The following AP2B1 variants were observed in gnomAD, a reference collection of about 807,000 sequenced individuals.
AP2B1 encodes adaptor related protein complex 2 subunit beta 1, also known as AP-2 complex subunit beta.
In AP2B1, 23 loss-of-function variants were observed where a neutral mutation model predicts 102.0. The ratio of observed to expected loss-of-function variants is 0.23; its 90% confidence interval spans 0.16 to 0.32. AP2B1 has a LOEUF of 0.32. Among genes scored for constraint, AP2B1 ranks in the 10% least tolerant of loss-of-function variants. The probability of loss-of-function intolerance (pLI) is 1.00; values close to 1 mark genes in which losing one functional copy is unlikely to be tolerated. For synonymous variants in AP2B1, 381 were observed against 421.2 expected, an observed-to-expected ratio of 0.90 and a Z score of 1.17; for missense variants, 541 against 1,157.4, an observed-to-expected ratio of 0.47 and a Z score of 7.73.
chr17:35,591,463 G>A (rs1025788270), intron 1 of AP2B1, among the ~76,000 whole-genome samples: 3 of 152,220 alleles, frequency 2.0e-5, no homozygotes, highest in East Asian at 1.9e-4. Context: ...GTGAGCCACC[G>A]TGCCTGGCCA....
intron 21 of AP2B1, among the ~76,000 whole-genome samples, chr17:35,720,573 A>ATATTTTTTT (rs1324333805): frequency 4.3e-4 from 12 of 28,066 alleles, no homozygotes; most frequent in Admixed American, 6.0e-4. Context: ...ATATATATAT[A>ATATTTTTTT]TTTTTTTTTT....
In AP2B1 at chr17:35,682,834, T is replaced by C; in HGVS notation, c.2454+10T>C. ...TCTGAATAACCTCCAGGTCAGAGAT[T>C]TACTTCACTCAGGTGGTACAAGTTA... On this transcript the variant is annotated intron_variant, in intron 18 of 21. Coordinates refer to ENST00000610402, the MANE Select transcript of AP2B1 (RefSeq NM_001030006.2). 1 of 1,606,912 alleles carries C rather than the reference T, an allele frequency of 6.2e-7. No individual in the cohort carries two copies. The highest frequency in any genetic ancestry group is 8.5e-7 in the Non-Finnish European group (1 of 1,175,106).
chr17:35,637,681 G>A (rs1330967043), intron 10 of AP2B1, among the ~76,000 whole-genome samples: 2 of 137,490 alleles, frequency 1.5e-5, no homozygotes, highest in Non-Finnish European at 3.1e-5. Context: ...GAAGAGGGTC[G>A]GTTTCTAAAT....
At chr17:35,603,423 G>C (rs1393776597) in intron 3 of AP2B1, among the ~76,000 whole-genome samples, 2 of 152,076 alleles carry the variant, frequency 1.3e-5, no homozygotes, top group Non-Finnish European at 2.9e-5. Flanking sequence ...CAAGCTAATG[G>C]TGCTCCTTTA....
rs1231191557 is a variant in AP2B1 at position 35,608,169 on chromosome 17, C to T, written c.307C>T (p.Arg103Ter). 1.9e-6 allele frequency: 3 copies of T among 1,613,578 alleles called. No homozygotes were observed. The highest frequency in any genetic ancestry group is 1.7e-6 in the Non-Finnish European group (2 of 1,180,030). The change falls in exon 5 of 22, where the codon CGA (arginine) becomes TGA (stop). Residue 103 changes from arginine (R) to a stop codon, truncating the protein, a stop_gained. Coordinates refer to ENST00000610402, the MANE Select transcript of AP2B1 (RefSeq NM_001030006.2). LOFTEE classifies it high-confidence loss of function. ...KDCEDPNPLI[R>*]ALAVRTMGCI... ...CTGTGAAGATCCTAATCCTTTGATT[C>T]GAGCCTTGGCAGTCAGAACCATGGG...
intron 19 of AP2B1, among the ~76,000 whole-genome samples, 193 bp from the exon 20 acceptor site, chr17:35,710,041 A>C (rs1400828743): frequency 6.6e-6 from 1 of 152,264 alleles, no homozygotes; most frequent in Admixed American, 6.5e-5. Flanking sequence ...CAATTATCCT[A>C]GTGTTACTGA....
chr17:35,671,644 TG>T, intron 15 of AP2B1, 109 bp from the exon 16 acceptor site: 1 of 1,048,568 alleles, frequency 9.5e-7, no homozygotes, highest in Non-Finnish European at 1.4e-6. Flanking sequence ...ATTGTAATTA[TG>T]GTGTTTTCTT....
intron 14 of AP2B1, chr17:35,660,127 G>A: frequency 1.1e-6 from 1 of 952,206 alleles, no homozygotes; most frequent in Non-Finnish European, 1.3e-6. Flanking sequence ...TAAAGATTTT[G>A]TACAAGAGAG....
chr17:35,701,955 C>G (rs1423445532), intron 18 of AP2B1, among the ~76,000 whole-genome samples: 1 of 152,150 alleles, frequency 6.6e-6, no homozygotes, highest in Non-Finnish European at 1.5e-5. Context: ...TTGTGTAAAC[C>G]CAAGTGAGGT....
chr17:35,664,276 C>A (rs1278656308), intron 14 of AP2B1, among the ~76,000 whole-genome samples: 1 of 152,058 alleles, frequency 6.6e-6, no homozygotes, highest in Admixed American at 6.6e-5. Context: ...TTTTTTGAGA[C>A]AAGGTCTCGC....
intron 10 of AP2B1, among the ~76,000 whole-genome samples, chr17:35,638,780 C>T (rs1290199709): frequency 1.7e-5 from 2 of 118,290 alleles, no homozygotes; most frequent in African/African-American, 3.5e-5. Context: ...CAGAGCAACA[C>T]TCCGTCTTGA....
intron 17 of AP2B1, among the ~76,000 whole-genome samples, chr17:35,675,141 A>G (rs907809029): frequency 6.6e-6 from 1 of 152,242 alleles, no homozygotes; most frequent in Admixed American, 6.5e-5. Context: ...TGCCTTAATA[A>G]GGAAGAGAGC....
At chr17:35,681,009 T>G (rs1456903451) in intron 17 of AP2B1, among the ~76,000 whole-genome samples, 1 of 152,136 alleles carries the variant, frequency 6.6e-6, no homozygotes, top group African/African-American at 2.4e-5. Context: ...CCTATAAAAT[T>G]TTATCCTTAT....
At chr17:35,656,741 C>T (rs559389656) in intron 13 of AP2B1, among the ~76,000 whole-genome samples, 5 of 152,142 alleles carry the variant, frequency 3.3e-5, no homozygotes, top group Admixed American at 6.5e-5. Context: ...AAAAATTAGC[C>T]GGGCACGGTG....
At position 35,686,273 on chromosome 17, in the gene AP2B1, C is replaced by T. The variant is rs760321608; in HGVS notation, c.2454+3449C>T. ...TTATTTATATCACGTAATTATATTC[C>T]TTAAAAAGAGAATTGATTCTCTCTG... On this transcript the variant is annotated intron_variant, in intron 18 of 21. Transcript: ENST00000610402. Among the ~76,000 whole-genome samples the T allele has an allele frequency of 3.3e-5, 5 of 152,312 alleles. No individual in the cohort carries two copies. The South Asian group carries it at 8.3e-4, about 25-fold the overall frequency.
At chr17:35,599,483 A>T (rs753325967) in intron 3 of AP2B1, among the ~76,000 whole-genome samples, 1 of 152,244 alleles carries the variant, frequency 6.6e-6, no homozygotes, top group Non-Finnish European at 1.5e-5. Flanking sequence ...TGGTGAAATT[A>T]ATGATTGTGA....
At chr17:35,696,413 C>CTTTTTTT (rs71366474) in intron 18 of AP2B1, among the ~76,000 whole-genome samples, 1 of 131,282 alleles carries the variant, frequency 7.6e-6, no homozygotes, top group Non-Finnish European at 1.6e-5. Flanking sequence ...GGAATAAGTT[C>CTTTTTTT]TTTTTTTTTT....
intron 5 of AP2B1, among the ~76,000 whole-genome samples, chr17:35,623,091 G>C (rs1169569454): frequency 8.3e-6 from 1 of 120,992 alleles, no homozygotes; most frequent in East Asian, 2.4e-4. Flanking sequence ...GTATTTGTAT[G>C]TATGCATTTT....
intron 14 of AP2B1, among the ~76,000 whole-genome samples, chr17:35,668,401 C>T (rs1487764186): frequency 6.6e-6 from 1 of 152,134 alleles, no homozygotes; most frequent in African/African-American, 2.4e-5. Flanking sequence ...TTCTGATGCC[C>T]AGGCTACACC....
Sources: gnomAD v4.1 joint callset for allele counts (sites outside exome capture counted in the v4.1 genomes callset) on GRCh38, gnomAD v4.1.1 for gene constraint, MANE v1.5 for transcripts, NCBI Gene and HGNC (gene_info 2026-07-23, HGNC 2026-07-21) for gene names.